The following KLHL8 variants were observed in gnomAD, a reference collection of about 807,000 sequenced individuals.
KLHL8 encodes kelch-like protein 8.
KLHL8 carries 38 observed loss-of-function variants against 63.5 expected under a neutral mutation model. That is an observed-to-expected ratio of 0.60 (90% CI 0.46 to 0.78). KLHL8 has a LOEUF of 0.78. Among genes scored for constraint, KLHL8 ranks in the 30% least tolerant of loss-of-function variants. The pLI is 0.00. For missense variants in KLHL8, 566 were observed against 752.4 expected (o/e 0.75, Z 2.90); for synonymous variants, 224 against 254.3 (o/e 0.88, Z 1.13).
At chr4:87,234,201 A>G (rs530144157) in intron 1 of KLHL8, among the ~76,000 whole-genome samples, 72 of 152,324 alleles carry the variant, frequency 4.7e-4, no homozygotes, top group Middle Eastern at 3.4e-3. Flanking sequence ...GCACTTTGGG[A>G]GGCCAAGGTG....
chr4:87,215,905 A>G (rs147222184), intron 1 of KLHL8, among the ~76,000 whole-genome samples: 1 of 152,184 alleles, frequency 6.6e-6, no homozygotes, highest in African/African-American at 2.4e-5. Flanking sequence ...GGATTTAATA[A>G]AATTTTATAC....
intron 8 of KLHL8, among the ~76,000 whole-genome samples, 184 bp from the exon 9 acceptor site, chr4:87,164,263 C>G (rs1730289920): frequency 6.6e-6 from 1 of 151,910 alleles, no homozygotes; most frequent in Non-Finnish European, 1.5e-5. Flanking sequence ...TAGATGTTGT[C>G]TACAATTCCA....
At chr4:87,163,706 A>G in intron 9 of KLHL8, 64 bp from the exon 10 acceptor site, 1 of 1,597,142 alleles carries the variant, frequency 6.3e-7, no homozygotes, top group Middle Eastern at 1.7e-4. Flanking sequence ...ATACTAACCA[A>G]AGACAAAAAT....
chr4:87,185,157 C>T (rs761680899), intron 3 of KLHL8, 94 bp downstream of exon 3: 6 of 1,204,158 alleles, frequency 5.0e-6, no homozygotes, highest in Admixed American at 2.3e-5. Context: ...TTCTATATTC[C>T]TTGAAATAAT....
At chr4:87,217,777 T>C (rs1249627967) in intron 1 of KLHL8, among the ~76,000 whole-genome samples, 2 of 151,688 alleles carry the variant, frequency 1.3e-5, no homozygotes, top group African/African-American at 2.4e-5. Flanking sequence ...TGAGCTACCA[T>C]GTGGGGCCCT....
At chr4:87,206,451 A>G (rs541508330) in intron 1 of KLHL8, among the ~76,000 whole-genome samples, 1 of 152,292 alleles carries the variant, frequency 6.6e-6, no homozygotes, top group East Asian at 1.9e-4. Flanking sequence ...AAGTAGGGAA[A>G]GGGGGAAAGA....
intron 1 of KLHL8, chr4:87,219,598 C>T (rs1038840138): frequency 6.6e-6 from 1 of 152,258 alleles, no homozygotes; most frequent in Non-Finnish European, 1.5e-5. Flanking sequence ...AAAAACAGTG[C>T]AAGTCCAGTA....
Position 87,228,564 on chromosome 4 carries a change from A to G in KLHL8, n.58-7174T>C, listed in dbSNP as rs184772957. ...GGATAATATTTGCACTGGAACAAAC[A>G]TGGCTACTCCCAAATTGCCAAGTGG... On this transcript the variant is annotated intron_variant and non_coding_transcript_variant, in intron 1 of 1. Coordinates refer to the KLHL8 transcript ENST00000506274. 3.3e-5 allele frequency among the ~76,000 whole-genome samples: 5 copies of G among 152,332 alleles called. No homozygotes were observed. In the East Asian group the frequency reaches 9.6e-4, roughly 29 times the overall value.
At chr4:87,227,940 T>C (rs2110068683) in intron 1 of KLHL8, among the ~76,000 whole-genome samples, 1 of 152,280 alleles carries the variant, frequency 6.6e-6, no homozygotes, top group Non-Finnish European at 1.5e-5. Flanking sequence ...CAGCCTGATC[T>C]CCTGATCCCT....
At chr4:87,227,284 C>T (rs1010810869) in intron 1 of KLHL8, among the ~76,000 whole-genome samples, 2 of 151,834 alleles carry the variant, frequency 1.3e-5, no homozygotes, top group Non-Finnish European at 2.9e-5. Flanking sequence ...GTATCTCTCT[C>T]GTTTTTCTTT....
chr4:87,239,693 G>T (rs1369849779), intron 1 of KLHL8, among the ~76,000 whole-genome samples: 1 of 152,104 alleles, frequency 6.6e-6, no homozygotes, highest in Non-Finnish European at 1.5e-5. Flanking sequence ...CATCCTCAGA[G>T]GATGAATTTA....
At chr4:87,227,507 A>G (rs1733053552) in intron 1 of KLHL8, among the ~76,000 whole-genome samples, 1 of 152,156 alleles carries the variant, frequency 6.6e-6, no homozygotes, top group Admixed American at 6.5e-5. Context: ...AAAATTAGCC[A>G]GTGGTGTTGG....
intron 8 of KLHL8, among the ~76,000 whole-genome samples, chr4:87,165,778 T>A (rs1278592279): frequency 1.3e-5 from 2 of 152,104 alleles, no homozygotes; most frequent in East Asian, 3.8e-4. Context: ...AAAAATGTAT[T>A]ATAACAAAGA....
chr4:87,228,563 C>T (rs750508370), intron 1 of KLHL8, among the ~76,000 whole-genome samples: 1 of 152,232 alleles, frequency 6.6e-6, no homozygotes, highest in Non-Finnish European at 1.5e-5. Flanking sequence ...CTGGAACAAA[C>T]ATGGCTACTC....
At chr4:87,197,458 C>T (rs1259152873) in intron 1 of KLHL8, among the ~76,000 whole-genome samples, 1 of 152,124 alleles carries the variant, frequency 6.6e-6, no homozygotes, top group African/African-American at 2.4e-5. Flanking sequence ...CTGCCAATGA[C>T]CTGAATAAGT....
intron 2 of KLHL8, among the ~76,000 whole-genome samples, chr4:87,194,571 G>A (rs1731623380): frequency 6.6e-6 from 1 of 152,176 alleles, no homozygotes; most frequent in African/African-American, 2.4e-5. Context: ...CTGCTCAGGC[G>A]GCTGTGGCAG....
chr4:87,227,378 A>G (rs1361364997), intron 1 of KLHL8, among the ~76,000 whole-genome samples: 1 of 152,178 alleles, frequency 6.6e-6, no homozygotes, highest in Non-Finnish European at 1.5e-5. Context: ...ACCACGGTTC[A>G]TGCCTGCAAT....
intron 1 of KLHL8, among the ~76,000 whole-genome samples, chr4:87,236,007 G>A (rs1733220991): frequency 6.6e-6 from 1 of 152,112 alleles, no homozygotes; most frequent in Non-Finnish European, 1.5e-5. Context: ...TAGTGACGAA[G>A]CGCTCTGCCT....
At chr4:87,225,583 A>G (rs1211118547), upstream of KLHL8, among the ~76,000 whole-genome samples, 2 of 152,218 alleles carry the variant, frequency 1.3e-5, no homozygotes, top group South Asian at 2.1e-4. Context: ...AAATATCTAT[A>G]TAAGACAGAA....
Sources: allele counts gnomAD v4.1 joint callset (sites outside exome capture counted in the v4.1 genomes callset), GRCh38; gene constraint gnomAD v4.1.1; transcripts MANE v1.5; gene names NCBI Gene and HGNC (gene_info 2026-07-23, HGNC 2026-07-21).